CCDC14: variants seen among roughly 807,000 people sequenced by gnomAD.
CCDC14 encodes coiled-coil domain-containing protein 14.
Under a neutral mutation model 81.4 loss-of-function variants are expected in CCDC14, and 71 were observed. The observed-to-expected ratio is 0.87, with a 90% CI of 0.72 to 1.06. CCDC14 has a LOEUF of 1.06. CCDC14 is among the 50% of genes least tolerant of loss of function. CCDC14 has a pLI of 0.00. For missense variants in CCDC14, 1,046 were observed against 1,047.3 expected, an observed-to-expected ratio of 1.00 and a Z score of 0.02; for synonymous variants, 332 against 364.8, an observed-to-expected ratio of 0.91 and a Z score of 1.03.
chr3:123,944,619 C>G (rs1249591552), intron 9 of CCDC14, among the ~76,000 whole-genome samples: 2 of 152,110 alleles, frequency 1.3e-5, no homozygotes, highest in African/African-American at 4.8e-5. Context: ...TGCCTACACA[C>G]TACCAAGTGA....
chr3:123,885,750 T>C, the CCDC14 span, among the ~76,000 whole-genome samples: 1 of 152,184 alleles, frequency 6.6e-6, no homozygotes, highest in Non-Finnish European at 1.5e-5. Flanking sequence ...TGGTGTTTGC[T>C]CTTTTTTGAG....
At chr3:123,935,105 T>C (rs1255113298) in intron 9 of CCDC14, among the ~76,000 whole-genome samples, 1 of 152,100 alleles carries the variant, frequency 6.6e-6, no homozygotes, top group Non-Finnish European at 1.5e-5. Flanking sequence ...GAAGGCAACC[T>C]AGTAAAAAGT....
chr3:123,905,147 T>C (rs2034279837), intron 5 of CCDC14, among the ~76,000 whole-genome samples: 1 of 152,102 alleles, frequency 6.6e-6, no homozygotes, highest in African/African-American at 2.4e-5. Flanking sequence ...ACCATGGTAA[T>C]GTTACAGAAG....
downstream of CCDC14, among the ~76,000 whole-genome samples, chr3:123,913,185 CT>C (rs1398148340): frequency 1.3e-5 from 2 of 152,166 alleles, no homozygotes; most frequent in Non-Finnish European, 2.9e-5. Flanking sequence ...ATGTGCATGT[CT>C]TTTATCAAAT....
chr3:123,959,110 G>A (rs907221205), intron 1 of CCDC14, among the ~76,000 whole-genome samples: 4 of 152,178 alleles, frequency 2.6e-5, no homozygotes, highest in African/African-American at 9.6e-5. Flanking sequence ...ACACAAGAGT[G>A]CAAATATCTC....
At chr3:123,893,217 A>G (rs899488226), downstream of CCDC14, among the ~76,000 whole-genome samples, 3 of 152,230 alleles carry the variant, frequency 2.0e-5, no homozygotes, top group African/African-American at 7.2e-5. Context: ...CTTTGTACAC[A>G]TTAAGCAACA....
intron 12 of CCDC14, among the ~76,000 whole-genome samples, chr3:123,930,297 A>C (rs986161722): frequency 1.3e-5 from 2 of 152,236 alleles, no homozygotes; most frequent in Non-Finnish European, 2.9e-5. Flanking sequence ...TGAAAATTCA[A>C]AATCGATCTG....
Position 123,956,416 on chromosome 3 carries a change from C to T in CCDC14, c.98G>A (p.Arg33Lys). 1 of 1,544,336 alleles carries T rather than the reference C, an allele frequency of 6.5e-7. No homozygotes were observed. Among genetic ancestry groups the T allele is most frequent in the Non-Finnish European group, 8.7e-7 (1 of 1,143,110 alleles). ...LTNGKKATYLRKIPRFNADSG... is the reference protein window; with the variant it reads ...LTNGKKATYLKKIPRFNADSG... ...ATCTGCATTAAAACGTGGTATTTTT[C>T]TTAAATAGGTCCTGGAAAACAAGCT... The change falls in exon 3 of 13, where the codon AGA becomes AAA. Residue 33 changes from arginine to lysine, a missense_variant. By Grantham distance (26) the Arg-to-Lys change is conservative. Coordinates refer to ENST00000409697, the MANE Select transcript of CCDC14 (RefSeq NM_001366335.1).
chr3:123,931,257 T>C (rs945870574), intron 11 of CCDC14, 23 bp from the exon 12 acceptor site: 1 of 1,586,804 alleles, frequency 6.3e-7, no homozygotes, highest in Admixed American at 1.9e-5. Context: ...AAGTTTCAGT[T>C]TCCTTATTCC....
At chr3:123,938,513 T>C (rs1344193901) in intron 9 of CCDC14, among the ~76,000 whole-genome samples, 1 of 151,960 alleles carries the variant, frequency 6.6e-6, no homozygotes, top group Admixed American at 6.6e-5. Context: ...TTCCATAGGA[T>C]CTTCTACAAG....
chr3:123,952,466 T>C (rs1288727471), intron 5 of CCDC14: 8 of 352,808 alleles, frequency 2.3e-5, no homozygotes, highest in Admixed American at 1.8e-4. Flanking sequence ...AGTTATCACA[T>C]GTAAAAGTTG....
intron 7 of CCDC14, 117 bp from the exon 8 acceptor site, chr3:123,947,436 T>C (rs1246208321): frequency 2.9e-6 from 2 of 699,114 alleles, no homozygotes; most frequent in African/African-American, 3.6e-5. Context: ...AATATATTCA[T>C]TTTGTGAATA....
At chr3:123,960,904 C>G (rs188895656) in intron 1 of CCDC14, among the ~76,000 whole-genome samples, 3 of 152,186 alleles carry the variant, frequency 2.0e-5, no homozygotes, top group African/African-American at 7.2e-5. Context: ...CGAACCCGGG[C>G]CTGACCCCAA....
In CCDC14 at chr3:123,943,508, G is replaced by C. The variant is rs79018459; in HGVS notation, c.1343+1341C>G. Among the ~76,000 whole-genome samples the C allele has an allele frequency of 1.6e-3, 238 of 152,056 alleles. 1 individual carries two copies. The highest frequency in any genetic ancestry group is 5.4e-3 in the African/African-American group (224 of 41,488). On this transcript the variant is annotated intron_variant, in intron 9 of 12. Transcript: ENST00000409697. ...ACAGCTGGCCATAAGGAAATTCTCT[G>C]ACCTACCTTGTCTGTTTGTAGGTCA...
chr3:123,903,721 C>T (rs1386975283), intron 5 of CCDC14, among the ~76,000 whole-genome samples: 1 of 152,136 alleles, frequency 6.6e-6, no homozygotes, highest in Non-Finnish European at 1.5e-5. Flanking sequence ...TCCAACTCTC[C>T]CTCAAAGCTA....
At chr3:123,946,361 C>T (rs1408037510) in intron 8 of CCDC14, among the ~76,000 whole-genome samples, 1 of 152,068 alleles carries the variant, frequency 6.6e-6, no homozygotes, top group Non-Finnish European at 1.5e-5. Flanking sequence ...GTATGCGTTA[C>T]TTCTCAAAGT....
intron 9 of CCDC14, among the ~76,000 whole-genome samples, chr3:123,938,303 T>C (rs375796897): frequency 1.4e-4 from 22 of 151,944 alleles, no homozygotes; most frequent in African/African-American, 5.3e-4. Flanking sequence ...CTCTCAGCAA[T>C]ATTTTGTAGT....
rs1559762678 is a variant in CCDC14 at position 123,915,533 on chromosome 3, A to T, written c.1964T>A (p.Phe655Tyr). 6.2e-7 allele frequency: 1 copy of T among 1,613,994 alleles called. No individual in the cohort carries two copies. Among genetic ancestry groups the T allele is most frequent in the East Asian group, 2.2e-5 (1 of 44,878 alleles). Residue 655 changes from phenylalanine (F) to tyrosine (Y), a missense_variant, in exon 13 of 13, where the codon TTT becomes TAT. Coordinates refer to ENST00000409697, the MANE Select transcript of CCDC14 (RefSeq NM_001366335.1). ...TGTAGAAAGTGGCTCTGAATGTGTA[A>T]AACTGTAATTTGTTTCTAACTTATT... is the stretch of plus-strand genomic sequence containing the variant. ...YLNKLETNYS[F>Y]THSEPLSTIK...
downstream of CCDC14, among the ~76,000 whole-genome samples, chr3:123,911,328 G>A (rs1395962199): frequency 2.0e-5 from 3 of 152,060 alleles, no homozygotes; most frequent in Non-Finnish European, 4.4e-5. Context: ...AAAGTTAAGG[G>A]GCTTTGAATT....
Sources: gnomAD v4.1 joint callset for allele counts (sites outside exome capture counted in the v4.1 genomes callset) on GRCh38, gnomAD v4.1.1 for gene constraint, MANE v1.5 for transcripts, NCBI Gene and HGNC (gene_info 2026-07-23, HGNC 2026-07-21) for gene names.